The following SOX5 variants were observed in gnomAD, a reference collection of about 807,000 sequenced individuals.
SOX5 encodes the protein transcription factor SOX-5.
A neutral mutation model predicts 92.0 loss-of-function variants in SOX5; 9 were observed. That is an observed-to-expected ratio of 0.10 (90% CI 0.06 to 0.17). The LOEUF is 0.17. Ranked by LOEUF, SOX5 falls within the 10% of genes least tolerant of loss-of-function variation. The probability of loss-of-function intolerance (pLI) is 1.00; values close to 1 mark genes in which losing one functional copy is unlikely to be tolerated. For missense variants in SOX5, 642 were observed against 944.5 expected, an observed-to-expected ratio of 0.68 and a Z score of 4.20; for synonymous variants, 344 against 336.3, an observed-to-expected ratio of 1.02 and a Z score of -0.25.
At chr12:23,625,777 T>A (rs969136053) in intron 8 of SOX5, among the ~76,000 whole-genome samples, 1 of 152,040 alleles carries the variant, frequency 6.6e-6, no homozygotes, top group Non-Finnish European at 1.5e-5. Context: ...GCCGGCTAAT[T>A]TTTGTATTTT....
At chr12:23,882,001 G>T (rs2096997332) in intron 2 of SOX5, among the ~76,000 whole-genome samples, 1 of 152,142 alleles carries the variant, frequency 6.6e-6, no homozygotes, top group Admixed American at 6.5e-5. Context: ...TTAGGAAAGT[G>T]ACAAGTCAAG....
At chr12:23,665,421 G>T in intron 7 of SOX5, 23 bp downstream of exon 7, 2 of 1,612,572 alleles carry the variant, frequency 1.2e-6, no homozygotes, top group Non-Finnish European at 1.7e-6. Flanking sequence ...CCCACTCCCA[G>T]ATGAAAAATC....
intron 4 of SOX5, among the ~76,000 whole-genome samples, chr12:24,079,760 T>A (rs1943098282): frequency 6.6e-6 from 1 of 151,942 alleles, no homozygotes; most frequent in Non-Finnish European, 1.5e-5. Context: ...TATTGATGAT[T>A]TATATGTTAT....
At chr12:23,746,132 C>CA (rs1470617579) in intron 4 of SOX5, among the ~76,000 whole-genome samples, 2 of 152,116 alleles carry the variant, frequency 1.3e-5, no homozygotes, top group Non-Finnish European at 2.9e-5. Flanking sequence ...AAGTCCATCC[C>CA]ACGGCTTCAT....
chr12:24,014,103 T>C (rs1953286164), intron 4 of SOX5, among the ~76,000 whole-genome samples: 1 of 152,224 alleles, frequency 6.6e-6, no homozygotes, highest in South Asian at 2.1e-4. Context: ...TTTACTTTCC[T>C]TTTATTAGCA....
intron 1 of SOX5, among the ~76,000 whole-genome samples, chr12:24,428,107 G>A (rs925184652): frequency 3.3e-5 from 5 of 151,290 alleles, no homozygotes; most frequent in African/African-American, 9.7e-5. Context: ...AGCTGTGACC[G>A]TGCTAATTAT....
At chr12:24,111,154 A>G (rs866333501) in intron 4 of SOX5, among the ~76,000 whole-genome samples, 1 of 152,052 alleles carries the variant, frequency 6.6e-6, no homozygotes, top group African/African-American at 2.4e-5. Context: ...ACATTGCCAA[A>G]TGTCCCACGG....
In SOX5 at chr12:24,476,995, C is replaced by CAAA. The variant is rs11385447; in HGVS notation, c.-251+85331_-251+85333dup. 7.9e-3 allele frequency among the ~76,000 whole-genome samples: 416 copies of CAAA among 52,658 alleles called. 2 individuals are homozygous for CAAA. Among genetic ancestry groups the CAAA allele is most frequent in the East Asian group, 0.023 (38 of 1,624 alleles). 34.5% of individuals were successfully genotyped at this position (52,658 alleles called of 152,430 possible). A position where few individuals can be genotyped will look rare whatever the true frequency, so the allele number is the denominator to read the frequency against. On this transcript the variant is annotated intron_variant, in intron 1 of 4. Transcript: ENST00000446891. ...CCAGGCAACAAAACAAGACCCCTCT[C>CAAA]AAAAAAAAAAAAAAAAAAAAAAGAG...
chr12:24,309,808 TAA>T (rs1200013528), intron 2 of SOX5, among the ~76,000 whole-genome samples: 1 of 152,196 alleles, frequency 6.6e-6, no homozygotes, highest in East Asian at 1.9e-4. Flanking sequence ...ACACATTACA[TAA>T]AGATTTCCTT....
At chr12:23,860,961 A>C (rs199957362) in intron 2 of SOX5, among the ~76,000 whole-genome samples, 6 of 68,138 alleles carry the variant, frequency 8.8e-5, no homozygotes, top group Admixed American at 1.5e-4. Flanking sequence ...GTAAAAAAAA[A>C]AAAAAAAAAA....
At chr12:24,139,964 C>T (rs1950429323) in intron 4 of SOX5, among the ~76,000 whole-genome samples, 1 of 152,176 alleles carries the variant, frequency 6.6e-6, no homozygotes, top group Admixed American at 6.5e-5. Flanking sequence ...ACAGAGTCTT[C>T]AGACCATTAC....
chr12:23,841,030 T>G (rs2096507472), intron 3 of SOX5, among the ~76,000 whole-genome samples: 1 of 152,138 alleles, frequency 6.6e-6, no homozygotes, highest in Non-Finnish European at 1.5e-5. Flanking sequence ...AAGACAATGT[T>G]AAGACAATGC....
chr12:24,331,494 C>T (rs1197843203), intron 2 of SOX5: 1 of 152,064 alleles, frequency 6.6e-6, no homozygotes, highest in Non-Finnish European at 1.5e-5. Flanking sequence ...ATCATTCTTA[C>T]ACTAGGGAAT....
chr12:24,402,259 C>T (rs557200183), intron 1 of SOX5, among the ~76,000 whole-genome samples: 1 of 152,260 alleles, frequency 6.6e-6, no homozygotes, highest in Admixed American at 6.5e-5. Flanking sequence ...TAACAAAATC[C>T]ATTAAAATAT....
In SOX5 at chr12:23,651,879, A is replaced by T. The variant is rs1205181053; in HGVS notation, c.932-10982T>A. On this transcript the variant is annotated intron_variant, in intron 7 of 14. Coordinates refer to ENST00000451604, the MANE Select transcript of SOX5 (RefSeq NM_006940.6). The stretch of plus-strand genomic sequence containing the variant: ...TCTAGCCTGTAGTTGAACCCATTTC[A>T]TCTAGTAGCAAAAATTATTTAGAAG... Among the ~76,000 whole-genome samples, 3 of 151,974 alleles carry T rather than the reference A, an allele frequency of 2.0e-5. No homozygotes were observed. The East Asian group carries it at 5.8e-4, about 29-fold the overall frequency.
At chr12:23,959,336 A>G (rs1188993017) in intron 4 of SOX5, among the ~76,000 whole-genome samples, 1 of 152,048 alleles carries the variant, frequency 6.6e-6, no homozygotes, top group Non-Finnish European at 1.5e-5. Flanking sequence ...GAATATAGAG[A>G]AAAAACCTAA....
intron 3 of SOX5, among the ~76,000 whole-genome samples, chr12:23,805,580 G>T (rs2095755250): frequency 6.6e-6 from 1 of 152,056 alleles, no homozygotes. Flanking sequence ...AAAAGAAAAT[G>T]GTTTATGCAT....
chr12:24,306,376 A>G lies in SOX5; in HGVS notation c.-173-29064T>C, dbSNP rs547313494. Among the ~76,000 whole-genome samples, 5 of 152,330 alleles carry G rather than the reference A, an allele frequency of 3.3e-5. No homozygotes were observed. The East Asian group carries it at 7.7e-4, about 23-fold the overall frequency. On this transcript the variant is annotated intron_variant, in intron 2 of 4. Coordinates refer to the SOX5 transcript ENST00000446891. Reference sequence around the variant, plus strand: ...AAGGACAAATGGGCAATGGCCCTCAATCTATGATTCTGCCACCGAAGTGTG... The same window carrying G: ...AAGGACAAATGGGCAATGGCCCTCAGTCTATGATTCTGCCACCGAAGTGTG...
At chr12:24,437,246 G>C (rs1939622597) in intron 1 of SOX5, among the ~76,000 whole-genome samples, 1 of 151,646 alleles carries the variant, frequency 6.6e-6, no homozygotes, top group Non-Finnish European at 1.5e-5. Context: ...AATAAATGGT[G>C]TTGGGAAAAC....
Sources: gnomAD v4.1 joint callset for allele counts (sites outside exome capture counted in the v4.1 genomes callset) on GRCh38, gnomAD v4.1.1 for gene constraint, MANE v1.5 for transcripts, NCBI Gene and HGNC (gene_info 2026-07-23, HGNC 2026-07-21) for gene names.